RTN2: variants seen among roughly 807,000 people sequenced by gnomAD.
RTN2 encodes reticulon 2, also known as reticulon-2.
Under a neutral mutation model 63.7 loss-of-function variants are expected in RTN2, and 36 were observed. The observed-to-expected ratio is 0.56, with a 90% CI of 0.43 to 0.75. The LOEUF (loss-of-function observed/expected upper bound fraction) is 0.75. Ranked by LOEUF, RTN2 falls within the 30% of genes least tolerant of loss-of-function variation. RTN2 has a pLI of 0.00. For synonymous variants in RTN2, 312 were observed against 313.0 expected (o/e 1.00, Z 0.03); for missense variants, 673 against 705.1 (o/e 0.95, Z 0.52).
Position 45,488,681 on chromosome 19 carries a change from G to T in RTN2, c.1406C>A (p.Thr469Asn), listed in dbSNP as rs190900651. 1 of 1,613,956 alleles carries T rather than the reference G, an allele frequency of 6.2e-7. No individual in the cohort carries two copies. Among genetic ancestry groups the T allele is most frequent in the African/African-American group, 1.3e-5 (1 of 75,034 alleles). Residue 469 changes from threonine (T) to asparagine (N), a missense_variant, in exon 8 of 11, where the codon ACC (threonine) becomes AAC (asparagine). Physicochemically the swap from Thr to Asn is moderately conservative, Grantham distance 65. Coordinates refer to ENST00000245923, the MANE Select transcript of RTN2 (RefSeq NM_005619.5). ...LKLALLFYIL[T>N]FVGAIFNGLT... The stretch of plus-strand genomic sequence containing the variant: ...ACCATTGAAGATGGCACCCACGAAG[G>T]TCAAGATGTAGAAGAGGAGGGCCAG...
intron 1 of RTN2, 199 bp from the exon 2 acceptor site, chr19:45,495,338 C>T: frequency 1.6e-6 from 1 of 631,938 alleles, no homozygotes; most frequent in Non-Finnish European, 2.7e-6. Context: ...ATCTTAGAGT[C>T]TTCAAAGTAG....
At chr19:45,487,744 C>A (rs62109595) in intron 9 of RTN2, among the ~76,000 whole-genome samples, 1 of 150,930 alleles carries the variant, frequency 6.6e-6, no homozygotes, top group Non-Finnish European at 1.5e-5. Flanking sequence ...GAGTTGGAGA[C>A]CAGCCTGGCC....
At position 45,489,000 on chromosome 19, in the gene RTN2, G is replaced by C. The variant is rs981270719; in HGVS notation, c.1242-14C>G. 5 of 1,609,242 alleles carry C rather than the reference G, an allele frequency of 3.1e-6. No individual in the cohort carries two copies. Among genetic ancestry groups the C allele is most frequent in the Non-Finnish European group, 4.2e-6 (5 of 1,178,194 alleles). On this transcript the variant is annotated splice_polypyrimidine_tract_variant and intron_variant, in intron 6 of 10. Coordinates refer to ENST00000245923, the MANE Select transcript of RTN2 (RefSeq NM_005619.5). Reference sequence around the variant, plus strand: ...TCCAGGTAGGCCCTGCGGGGACAAAGGAGTGTGGGGCGACTCAGTGGGTGA... The same window carrying C: ...TCCAGGTAGGCCCTGCGGGGACAAACGAGTGTGGGGCGACTCAGTGGGTGA...
intron 1 of RTN2, among the ~76,000 whole-genome samples, chr19:45,495,620 G>T (rs553843774): frequency 8.8e-4 from 134 of 152,302 alleles, no homozygotes; most frequent in South Asian, 6.0e-3. Context: ...GGTCAAGAAG[G>T]CTTCTCTGAT....
rs573733991 is a variant in RTN2, at chr19:45,496,719, C to T, written c.34+73G>A. The T allele has an allele frequency of 2.0e-5, 22 of 1,083,314 alleles. No homozygotes were observed. The South Asian group carries it at 4.0e-4, about 19-fold the overall frequency. 67.1% of individuals were successfully genotyped at this position (1,083,314 alleles called of 1,614,324 possible). A position where few individuals can be genotyped will look rare whatever the true frequency, so the allele number is the denominator to read the frequency against. On this transcript the variant is annotated intron_variant, in intron 1 of 10. Coordinates refer to ENST00000245923, the MANE Select transcript of RTN2 (RefSeq NM_005619.5). Reference sequence around the variant, plus strand: ...ATCCCGGCTCTCCTGCGGGCAAGCGCCGAGGGGACACCGGGGAGTACCCCA... The same window carrying T: ...ATCCCGGCTCTCCTGCGGGCAAGCGTCGAGGGGACACCGGGGAGTACCCCA...
chr19:45,489,460 A>C lies in RTN2; in HGVS notation c.1127T>G (p.Ile376Ser), dbSNP rs1485014312. ...AGCCAAGTGCGCGGCCACGGACACG[A>C]TGCTAAAGTGCAGGAGGCAGAGGAG... The part of the protein sequence containing the change: ...VSLLCLLHFS[I>S]VSVAAHLALL... The change falls in exon 6 of 11, where the codon ATC (isoleucine) becomes AGC (serine). Residue 376 changes from isoleucine to serine, a missense_variant. Transcript: ENST00000245923. 1.9e-6 allele frequency: 3 copies of C among 1,612,804 alleles called. No homozygotes were observed. The highest frequency in any genetic ancestry group is 2.7e-5 in the African/African-American group (2 of 74,840).
chr19:45,494,655 A>C lies in RTN2; in HGVS notation c.430T>G (p.Leu144Val). 6.2e-7 allele frequency: 1 copy of C among 1,613,820 alleles called. No individual in the cohort carries two copies. The highest frequency in any genetic ancestry group is 8.5e-7 in the Non-Finnish European group (1 of 1,179,994). ...CGGGCCACCCAGCCCAGATGGTCCA[A>C]CCGAAGCCTCAGGTCTTCCAGAGGG... ...ERPLEDLRLR[L>V]DHLGWVARGT... The change falls in exon 3 of 11, where the codon TTG (leucine) becomes GTG (valine). Residue 144 changes from leucine to valine, a missense_variant. By Grantham distance (32) the Leu-to-Val change is conservative (BLOSUM62 1). Transcript: ENST00000245923. The surrounding 1 kb of genome is among the most constrained non-coding windows in gnomAD (Gnocchi z 5.3).
In RTN2 at chr19:45,487,480, C is replaced by T. The variant is rs115000714; in HGVS notation, c.1497+991G>A. On this transcript the variant is annotated intron_variant, in intron 9 of 10. Coordinates refer to ENST00000245923, the MANE Select transcript of RTN2 (RefSeq NM_005619.5). ...AGGGGCTGTCAGTCCATCCGCCTGTCTCTGGATAGGATGGATGTCAGCAGT... is the reference window on the plus strand; with the variant it reads ...AGGGGCTGTCAGTCCATCCGCCTGTTTCTGGATAGGATGGATGTCAGCAGT... 7.1e-3 allele frequency among the ~76,000 whole-genome samples: 1,072 copies of T among 151,974 alleles called. 19 individuals are homozygous for T. Among genetic ancestry groups the T allele is most frequent in the African/African-American group, 0.024 (1,003 of 41,432 alleles).
In RTN2 at chr19:45,493,255, G is replaced by A. The variant is rs1361780893; in HGVS notation, c.938C>T (p.Pro313Leu). 1.2e-6 allele frequency: 2 copies of A among 1,612,600 alleles called. No individual in the cohort carries two copies. The highest frequency in any genetic ancestry group is 2.7e-5 in the African/African-American group (2 of 74,844). Residue 313 changes from proline to leucine, a missense_variant, in exon 5 of 11, where the codon CCT becomes CTT. By Grantham distance (98) the Pro-to-Leu change is moderately conservative. Transcript: ENST00000245923. The part of the protein sequence containing the change: ...IGWVQRGPTP[P>L]TPVLRVLLKW... ...CAGTAGAACCCGGAGGACAGGAGTA[G>A]GGGGGGTGGGGCCCCTTTGGACCCA...
At chr19:45,492,752 T>C (rs541094979) in intron 5 of RTN2, among the ~76,000 whole-genome samples, 1 of 152,018 alleles carries the variant, frequency 6.6e-6, no homozygotes, top group South Asian at 2.1e-4. Context: ...AGCCCCTCCC[T>C]CCCCATAGCA....
At position 45,495,069 on chromosome 19, in the gene RTN2, C is replaced by T. The variant is rs780242588; in HGVS notation, c.79+26G>A. 16 of 1,614,038 alleles carry T rather than the reference C, an allele frequency of 9.9e-6. No individual in the cohort carries two copies. The East Asian group carries it at 3.6e-4, about 36-fold the overall frequency. On this transcript the variant is annotated intron_variant, in intron 2 of 10. Transcript: ENST00000245923. ...GTCCCTGAGCTGCCCAGCCCTGAGC[C>T]CCTTCACATGCTCCCCACCACTTAC...
At chr19:45,492,188 C>T (rs1968174886) in intron 5 of RTN2, among the ~76,000 whole-genome samples, 1 of 152,020 alleles carries the variant, frequency 6.6e-6, no homozygotes, top group South Asian at 2.1e-4. Flanking sequence ...AATTTCTGAC[C>T]CCTTTCTGAG....
rs779322568 is a variant in RTN2, at chr19:45,494,946, C to T, written c.139G>A (p.Asp47Asn). ...LHTAREFSEE[D>N]EEETTSQDWG... ...TCCTGCGACGTGGTCTCCTCCTCGT[C>T]CTCCTCTGAGAATTCCCGGGCTGTG... is the stretch of plus-strand genomic sequence containing the variant. The change falls in exon 3 of 11, where the codon GAC becomes AAC. Residue 47 changes from aspartate (D) to asparagine (N), a missense_variant. Asp to Asn is a conservative substitution (Grantham distance 23). Coordinates refer to ENST00000245923, the MANE Select transcript of RTN2 (RefSeq NM_005619.5). This position sits in a 1 kb window ranked among gnomAD's most constrained non-coding sequence, Gnocchi z 5.3. 3.4e-5 allele frequency: 55 copies of T among 1,613,850 alleles called. No homozygotes were observed. Among genetic ancestry groups the T allele is most frequent in the Non-Finnish European group, 4.7e-5 (55 of 1,180,010 alleles).
chr19:45,496,978 G>GCCA lies in RTN2; in HGVS notation c.-154_-153insTGG, dbSNP rs1968286890. The stretch of plus-strand genomic sequence containing the variant: ...GGCTGCTCCAGCCGCCGCCGCCGCC[G>GCCA]CCGCCGCCGCCGCCGCCCTGGTGCT... On this transcript the variant is annotated 5_prime_UTR_variant, in exon 1 of 11. Transcript: ENST00000245923. 3.6e-5 allele frequency: 12 copies of GCCA among 332,816 alleles called. No individual in the cohort carries two copies. In the Admixed American group the frequency reaches 5.1e-4, roughly 14 times the overall value. The allele number at this position is 332,816 out of a possible 1,614,324, so 20.6% of individuals were successfully genotyped here.
chr19:45,493,618 A>T (rs532222316), intron 4 of RTN2, among the ~76,000 whole-genome samples: 22 of 152,062 alleles, frequency 1.4e-4, no homozygotes, highest in African/African-American at 5.1e-4. Flanking sequence ...TTTAAAAGGC[A>T]CAGAGTTTAC....
At chr19:45,487,299 C>A (rs1236304719) in intron 9 of RTN2, among the ~76,000 whole-genome samples, 2 of 151,948 alleles carry the variant, frequency 1.3e-5, no homozygotes, top group African/African-American at 2.4e-5. Context: ...CCTGTCTCAA[C>A]CTCCCAAAGT....
chr19:45,495,233 C>T (rs927181856), intron 1 of RTN2, 94 bp from the exon 2 acceptor site: 3 of 1,462,304 alleles, frequency 2.1e-6, no homozygotes, highest in Non-Finnish European at 1.9e-6. Flanking sequence ...ATTTGAATCA[C>T]GGGATTTTTA....
chr19:45,489,253 G>T, intron 6 of RTN2, 93 bp downstream of exon 6: 1 of 1,176,810 alleles, frequency 8.5e-7, no homozygotes. Flanking sequence ...AAGATGAGTC[G>T]GGGTCCGGGT....
chr19:45,489,675 C>CCTTTT, intron 5 of RTN2, 122 bp from the exon 6 acceptor site: 2 of 554,854 alleles, frequency 3.6e-6, no homozygotes, highest in Non-Finnish European at 6.0e-6. Flanking sequence ...AACCTGATTT[C>CCTTTT]CTTTTTTTTT....
Sources: allele counts gnomAD v4.1 joint callset (sites outside exome capture counted in the v4.1 genomes callset), GRCh38; gene constraint gnomAD v4.1.1; non-coding constraint Gnocchi (gnomAD v3.1); transcripts MANE v1.5; gene names NCBI Gene and HGNC (gene_info 2026-07-23, HGNC 2026-07-21).